ARR3: variants seen among roughly 807,000 people sequenced by gnomAD.
ARR3 encodes arrestin 3, also known as arrestin-C.
A neutral mutation model predicts 35.4 loss-of-function variants in ARR3; 14 were observed. That is an observed-to-expected ratio of 0.40 (90% CI 0.26 to 0.62). The LOEUF is 0.62. ARR3 is among the 20% of genes least tolerant of loss of function. The pLI, the probability that ARR3 is intolerant of heterozygous loss-of-function variation, is 0.46. For missense variants in ARR3, 259 were observed against 303.8 expected (o/e 0.85, Z 1.10); for synonymous variants, 97 against 119.1 (o/e 0.81, Z 1.21).
At chrX:70,270,266 C>A in intron 5 of ARR3, 122 bp downstream of exon 5, 1 of 784,757 alleles carries the variant, frequency 1.3e-6, no homozygotes, top group Non-Finnish European at 1.9e-6. Flanking sequence ...CTGGTGGAGG[C>A]TGACAACTGG....
chrX:70,280,713 G>A (rs891448383), intron 14 of ARR3, 53 bp from the exon 15 acceptor site: 2 of 1,204,217 alleles, frequency 1.7e-6, no homozygotes, highest in African/African-American at 3.5e-5. Flanking sequence ...GGGAGGTTCA[G>A]GGATTGGGCT....
chrX:70,270,664 T>G (rs2085626277), intron 5 of ARR3, among the ~76,000 whole-genome samples: 1 of 110,207 alleles, frequency 9.1e-6, no homozygotes, highest in Non-Finnish European at 1.9e-5. Context: ...CTGGATAGAT[T>G]ATAAACTTTT....
In ARR3 at chrX:70,277,505, A is replaced by C; in HGVS notation, c.585A>C (p.Gln195His). Residue 195 changes from glutamine to histidine, a missense_variant, in exon 9 of 17, where the codon CAA (glutamine) becomes CAC (histidine). Coordinates refer to ENST00000307959, the MANE Select transcript of ARR3 (RefSeq NM_004312.3). ...RRFLLSAQPL[Q>H]LQAWMDREVH... ...TCCTTCTGTCAGCTCAGCCCCTACA[A>C]CTCCAGGCCTGGATGGACAGGGAGG... The C allele has an allele frequency of 8.3e-7, 1 of 1,209,968 alleles. No homozygotes were observed. Among genetic ancestry groups the C allele is most frequent in the Non-Finnish European group, 1.1e-6 (1 of 894,857 alleles).
chrX:70,275,969 G>A lies in ARR3; in HGVS notation c.146-113G>A, dbSNP rs2085650805. ...TGGGATTACAGGCGTGAGCCACCGCGCCCAGCCAGCCTTCGATCATATTAC... is the reference window on the plus strand; with the variant it reads ...TGGGATTACAGGCGTGAGCCACCGCACCCAGCCAGCCTTCGATCATATTAC... On this transcript the variant is annotated intron_variant, in intron 5 of 16. Coordinates refer to ENST00000307959, the MANE Select transcript of ARR3 (RefSeq NM_004312.3). 9.2e-6 allele frequency: 8 copies of A among 869,241 alleles called. No homozygotes were observed. In the East Asian group the frequency reaches 1.3e-4, roughly 14 times the overall value. The allele number at this position is 869,241 out of a possible 1,213,427, so 71.6% of individuals were successfully genotyped here. A position where few individuals can be genotyped will look rare whatever the true frequency, so the allele number is the denominator to read the frequency against.
intron 1 of ARR3, among the ~76,000 whole-genome samples, chrX:70,268,576 A>G (rs1382790865): frequency 3.6e-5 from 4 of 111,625 alleles, no homozygotes; most frequent in Non-Finnish European, 7.5e-5. Context: ...GCATCAAAGG[A>G]AAGCACTAGA....
chrX:70,281,238 T>C (rs1251644227), intron 16 of ARR3, 130 bp downstream of exon 16: 1 of 825,432 alleles, frequency 1.2e-6, no homozygotes, highest in Non-Finnish European at 1.7e-6. Flanking sequence ...ACATATGGCT[T>C]AGCTTCGTGT....
chrX:70,273,214 CTTTTTTT>C (rs59650423), intron 5 of ARR3, among the ~76,000 whole-genome samples: 25 of 41,640 alleles, frequency 6.0e-4, no homozygotes, highest in African/African-American at 1.1e-3. Flanking sequence ...GAAAGGATTC[CTTTTTTT>C]TTTTTTTTTT....
chrX:70,277,788 A>C lies in ARR3; in HGVS notation c.682A>C (p.Ile228Leu). ...NNCTNKVIKK[I>L]KISVDQITDV... ...CTGCACCAACAAGGTCATCAAAAAA[A>C]TCAAGATTTCAGGTGAGTTTCTTTT... The change falls in exon 10 of 17, where the codon ATC becomes CTC. Residue 228 changes from isoleucine (I) to leucine (L), a missense_variant. Ile to Leu is a conservative substitution (Grantham distance 5). Transcript: ENST00000307959. 1 of 1,208,311 alleles carries C rather than the reference A, an allele frequency of 8.3e-7. No homozygotes were observed. Among genetic ancestry groups the C allele is most frequent in the Non-Finnish European group, 1.1e-6 (1 of 893,033 alleles).
chrX:70,273,676 GA>G (rs767362360), intron 5 of ARR3, among the ~76,000 whole-genome samples: 2 of 111,426 alleles, frequency 1.8e-5, no homozygotes, highest in African/African-American at 3.3e-5. Context: ...CTCTAAAGTG[GA>G]GATAATAATA....
rs769837054 is a variant in ARR3 at position 70,280,400 on chromosome X, G to T, written c.989+122G>T. ...TTCCCCACCCTTTCTCCCAGACCAG[G>T]TTCCCAAACCTGTGAGCTCAGTGAG... On this transcript the variant is annotated intron_variant, in intron 13 of 16. Transcript: ENST00000307959. The T allele has an allele frequency of 4.5e-5, 44 of 971,654 alleles. No individual in the cohort carries two copies. In the East Asian group the frequency reaches 1.4e-3, roughly 30 times the overall value. The allele number at this position is 971,654 out of a possible 1,213,427, so 80.1% of individuals were successfully genotyped here. A position where few individuals can be genotyped will look rare whatever the true frequency, so the allele number is the denominator to read the frequency against.
intron 5 of ARR3, among the ~76,000 whole-genome samples, chrX:70,271,048 C>T (rs2085628339): frequency 9.0e-6 from 1 of 111,570 alleles, no homozygotes; most frequent in African/African-American, 3.3e-5. Context: ...ATAAAGTAGC[C>T]TAAATCTCTC....
intron 5 of ARR3, among the ~76,000 whole-genome samples, chrX:70,273,611 G>T (rs1325474771): frequency 8.9e-6 from 1 of 111,849 alleles, no homozygotes; most frequent in Non-Finnish European, 1.9e-5. Flanking sequence ...AGTCAGACAG[G>T]CCTGGGTTGA....
chrX:70,270,033 A>C, intron 4 of ARR3, 67 bp from the exon 5 acceptor site: 1 of 1,181,094 alleles, frequency 8.5e-7, no homozygotes, highest in East Asian at 3.0e-5. Context: ...CATTTCAGGG[A>C]TCATCCTCTG....
chrX:70,276,400 T>C (rs2085652996), intron 6 of ARR3, 33 bp from the exon 7 acceptor site: 1 of 1,202,909 alleles, frequency 8.3e-7, no homozygotes, highest in South Asian at 1.8e-5. Flanking sequence ...TATTCTTTTC[T>C]ACTTCTTTTC....
intron 16 of ARR3, 82 bp from the exon 17 acceptor site, chrX:70,281,594 G>T: frequency 2.4e-6 from 2 of 850,287 alleles, no homozygotes; most frequent in African/African-American, 2.0e-5. Context: ...TCACTTTTCT[G>T]GGATCAGGAA....
rs146641136 is a variant in ARR3 at position 70,276,230 on chromosome X, G to A, written c.294G>A (p.Gln98=). 32 of 1,211,888 alleles carry A rather than the reference G, an allele frequency of 2.6e-5. No individual in the cohort carries two copies. Among genetic ancestry groups the A allele is most frequent in the Non-Finnish European group, 3.2e-5 (29 of 895,542 alleles). The part of the protein sequence containing the change: ...SSPQGPLTVL[Q]ERLLHKLGDN... ...CTCAGGGGCCCCTCACAGTCCTACA[G>A]GAGCGACTACTGCACAAGCTAGGGG... The change falls in exon 6 of 17, where the codon CAG becomes CAA. Residue 98 remains glutamine (Q), a synonymous_variant. Transcript: ENST00000307959.
At chrX:70,276,337 G>A in intron 6 of ARR3, 56 bp downstream of exon 6, 2 of 1,190,839 alleles carry the variant, frequency 1.7e-6, no homozygotes, top group Non-Finnish European at 2.3e-6. Flanking sequence ...AAGAGAGGAA[G>A]CTCAAGAAGG....
At chrX:70,268,706 G>T (rs2085617655) in intron 1 of ARR3, among the ~76,000 whole-genome samples, 1 of 112,060 alleles carries the variant, frequency 8.9e-6, no homozygotes, top group Non-Finnish European at 1.9e-5. Context: ...GTTCAAGGAG[G>T]ACTTTCAACC....
intron 9 of ARR3, 80 bp from the exon 10 acceptor site, chrX:70,277,636 C>T (rs754445040): frequency 1.1e-4 from 128 of 1,167,901 alleles, no homozygotes; most frequent in Middle Eastern, 2.4e-4. Context: ...GTGGCAATAG[C>T]GCTAAGGAAG....
Sources: allele counts gnomAD v4.1 joint callset (sites outside exome capture counted in the v4.1 genomes callset), GRCh38; gene constraint gnomAD v4.1.1; transcripts MANE v1.5; gene names NCBI Gene and HGNC (gene_info 2026-07-23, HGNC 2026-07-21).